Variants in CDH22 observed in about 807,000 individuals in gnomAD.
The protein encoded by CDH22 is cadherin 22.
CDH22 carries 30 observed loss-of-function variants against 58.4 expected under a neutral mutation model. The ratio of observed to expected loss-of-function variants is 0.51; its 90% CI spans 0.38 to 0.70. CDH22 has a LOEUF of 0.70. CDH22 is among the 30% of genes least tolerant of loss of function. The pLI is 0.00. For missense variants in CDH22, 1,014 were observed against 1,233.9 expected, an observed-to-expected ratio of 0.82 and a Z score of 2.67; for synonymous variants, 513 against 558.2, an observed-to-expected ratio of 0.92 and a Z score of 1.14.
intron 1 of CDH22, among the ~76,000 whole-genome samples, chr20:46,274,099 A>G (rs1434130329): frequency 6.6e-6 from 1 of 152,246 alleles, no homozygotes; most frequent in Non-Finnish European, 1.5e-5. Flanking sequence ...TTTTAATTGC[A>G]AAGAAAATTT....
intron 8 of CDH22, among the ~76,000 whole-genome samples, chr20:46,194,037 A>C (rs1600690036): frequency 1.3e-5 from 2 of 152,050 alleles, no homozygotes; most frequent in Non-Finnish European, 2.9e-5. Flanking sequence ...AAAACAAAAA[A>C]ATAGATGTCC....
rs780574886 is a variant in CDH22 at position 46,213,132 on chromosome 20, C to G, written c.895G>C (p.Val299Leu). Residue 299 changes from valine to leucine, a missense_variant, in exon 6 of 12, where the codon GTG (valine) becomes CTG (leucine). Val to Leu is a conservative substitution (Grantham distance 32, BLOSUM62 1). Around this residue, in one of 2 missense-constraint regions of CDH22, gnomAD observed 806 missense variants for 1,038.7 expected, o/e 0.78. Coordinates refer to ENST00000537909, the MANE Select transcript of CDH22 (RefSeq NM_021248.3). The stretch of plus-strand genomic sequence containing the variant: ...CCCACGTCTGAGTCCTCAGCCTTCA[C>G]ACGTCCCACAGCCGTTCCAATGGGG... ...SAPIGTAVGR[V>L]KAEDSDVGEN... The G allele has an allele frequency of 2.7e-5, 43 of 1,614,076 alleles. No homozygotes were observed. The Admixed American group carries it at 6.7e-4, about 25-fold the overall frequency.
At chr20:46,275,012 G>C (rs908235236) in intron 1 of CDH22, among the ~76,000 whole-genome samples, 1 of 152,302 alleles carries the variant, frequency 6.6e-6, no homozygotes, top group East Asian at 1.9e-4. Context: ...CTGCAACTGC[G>C]TGGTGGTTGC....
At chr20:46,257,449 G>C (rs1215457543) in intron 1 of CDH22, among the ~76,000 whole-genome samples, 1 of 152,214 alleles carries the variant, frequency 6.6e-6, no homozygotes, top group African/African-American at 2.4e-5. Flanking sequence ...TGAAAAGTGA[G>C]GCTGGGCCAC....
chr20:46,296,291 C>A (rs2086628706), intron 1 of CDH22, among the ~76,000 whole-genome samples: 1 of 152,208 alleles, frequency 6.6e-6, no homozygotes, highest in East Asian at 1.9e-4. Context: ...TTGGTACCCA[C>A]TGTGAGGACA....
intron 10 of CDH22, among the ~76,000 whole-genome samples, chr20:46,179,793 A>G (rs2085771367): frequency 6.6e-6 from 1 of 152,172 alleles, no homozygotes; most frequent in Admixed American, 6.5e-5. Flanking sequence ...CCCAGCCCAT[A>G]GAAATGCTCA....
intron 10 of CDH22, among the ~76,000 whole-genome samples, chr20:46,181,742 TC>T (rs1440794967): frequency 8.8e-5 from 8 of 90,728 alleles, no homozygotes; most frequent in Non-Finnish European, 1.6e-4. Flanking sequence ...CTTCCTTCCT[TC>T]CTTCCTTCCT....
At chr20:46,226,267 TCTTCTTCTTCTTCTTCTTCTTC>T (rs1228220725) in intron 4 of CDH22, among the ~76,000 whole-genome samples, 11,573 of 36,418 alleles carry the variant, frequency 0.32, 1,150 homozygotes, top group Non-Finnish European at 0.41. Flanking sequence ...TTCTTCTTCT[TCTTCTTCTTCTTCTTCTTCTTC>T]TTCTTTTTTT....
intron 1 of CDH22, among the ~76,000 whole-genome samples, chr20:46,297,706 G>T (rs966250316): frequency 6.6e-6 from 1 of 151,952 alleles, no homozygotes; most frequent in South Asian, 2.1e-4. Context: ...GGAGGGGCTC[G>T]GGGCTTTCCA....
chr20:46,190,686 G>A (rs1446524168), intron 8 of CDH22, among the ~76,000 whole-genome samples: 1 of 152,236 alleles, frequency 6.6e-6, no homozygotes, highest in African/African-American at 2.4e-5. Context: ...CTTGAGGAAG[G>A]CTGATTGACA....
chr20:46,181,713 T>TCC (rs2085786082), intron 10 of CDH22, among the ~76,000 whole-genome samples: 1 of 99,552 alleles, frequency 1.0e-5, no homozygotes, highest in African/African-American at 4.2e-5. Flanking sequence ...TTTTCTTTCT[T>TCC]TTTTTCCTTC....
chr20:46,188,431 G>T (rs996737032), intron 8 of CDH22, among the ~76,000 whole-genome samples: 1 of 152,124 alleles, frequency 6.6e-6, no homozygotes, highest in African/African-American at 2.4e-5. Flanking sequence ...TTATTGGAAC[G>T]CTAAGCATGT....
chr20:46,181,707 C>CT (rs1168677499), intron 10 of CDH22, among the ~76,000 whole-genome samples: 4 of 122,226 alleles, frequency 3.3e-5, no homozygotes, highest in South Asian at 2.8e-4. Flanking sequence ...CTTTTCTTTT[C>CT]TTTCTTTTTT....
At chr20:46,256,644 A>G (rs1286301436) in intron 1 of CDH22, among the ~76,000 whole-genome samples, 3 of 152,214 alleles carry the variant, frequency 2.0e-5, no homozygotes, top group South Asian at 4.2e-4. Flanking sequence ...TTTTTCTGTG[A>G]GTGAGATGAG....
rs1555800194 is a variant in CDH22 at position 46,181,716 on chromosome 20, T to TTCCTTCC, written c.1664-3520_1664-3519insGGAAGGA. On this transcript the variant is annotated intron_variant, in intron 10 of 11. Transcript: ENST00000537909. The stretch of plus-strand genomic sequence containing the variant: ...TCTTTTCTTTTCTTTTCTTTCTTTT[T>TTCCTTCC]TTCCTTCCTTCCTTCCTTCCTTCCT... Among the ~76,000 whole-genome samples, 19 of 44,332 alleles carry TTCCTTCC rather than the reference T, an allele frequency of 4.3e-4. 1 individual carries two copies. Among genetic ancestry groups the TTCCTTCC allele is most frequent in the African/African-American group, 9.4e-4 (9 of 9,602 alleles). The allele number at this position is 44,332 out of a possible 152,430, so 29.1% of individuals were successfully genotyped here. A position where few individuals can be genotyped will look rare whatever the true frequency, so the allele number is the denominator to read the frequency against.
chr20:46,247,090 A>G (rs1373039579), intron 2 of CDH22, among the ~76,000 whole-genome samples: 1 of 152,154 alleles, frequency 6.6e-6, no homozygotes, highest in Admixed American at 6.5e-5. Context: ...TAGGTTGCCA[A>G]AAAGACTTTT....
chr20:46,209,236 C>T (rs569171122), intron 7 of CDH22, among the ~76,000 whole-genome samples: 4 of 152,132 alleles, frequency 2.6e-5, no homozygotes, highest in Admixed American at 2.0e-4. Context: ...AGAGAGCGAA[C>T]TATGGGGGCT....
At chr20:46,271,554 C>T (rs1194687302) in intron 1 of CDH22, among the ~76,000 whole-genome samples, 2 of 152,278 alleles carry the variant, frequency 1.3e-5, no homozygotes, top group East Asian at 1.9e-4. Flanking sequence ...ACCTCCTACT[C>T]TTCTCAGCCC....
Position 46,178,969 on chromosome 20 carries a change from C to T in CDH22, c.1664-772G>A, listed in dbSNP as rs551471687. On this transcript the variant is annotated intron_variant, in intron 10 of 11. Transcript: ENST00000537909. ...GGCCAGAGAGGACAGTGAACAAACA[C>T]AAATGGAACTCATGGCACTGGTTCA... Among the ~76,000 whole-genome samples, 253 of 152,314 alleles carry T rather than the reference C, an allele frequency of 1.7e-3. 1 individual carries two copies. The highest frequency in any genetic ancestry group is 5.8e-3 in the African/African-American group (240 of 41,558).
Sources: allele counts gnomAD v4.1 joint callset (sites outside exome capture counted in the v4.1 genomes callset), GRCh38; gene constraint gnomAD v4.1.1; regional missense constraint gnomAD v4.1.1; transcripts MANE v1.5; gene names NCBI Gene and HGNC (gene_info 2026-07-23, HGNC 2026-07-21).